Variants in LSAMP observed in about 807,000 individuals in gnomAD.
The protein encoded by LSAMP is limbic system associated membrane protein, also known as limbic system-associated membrane protein.
A neutral mutation model predicts 38.6 loss-of-function variants in LSAMP; 7 were observed. That is an observed-to-expected ratio of 0.18 (90% CI 0.10 to 0.34). The LOEUF is 0.34. Ranked by LOEUF, LSAMP falls within the 10% of genes least tolerant of loss-of-function variation. The pLI is 1.00. For synonymous variants in LSAMP, 154 were observed against 166.8 expected, an observed-to-expected ratio of 0.92 and a Z score of 0.59; for missense variants, 313 against 420.0, an observed-to-expected ratio of 0.75 and a Z score of 2.23.
chr3:116,171,557 C>T (rs143653266), intron 1 of LSAMP, among the ~76,000 whole-genome samples: 2 of 152,022 alleles, frequency 1.3e-5, no homozygotes, highest in Non-Finnish European at 2.9e-5. Context: ...ATAATCTGAA[C>T]CATGAACATA....
In LSAMP at chr3:116,221,481, T is replaced by C. The variant is rs373188939; in HGVS notation, c.156-134925A>G. On this transcript the variant is annotated intron_variant, in intron 1 of 6. Transcript: ENST00000490035. ...AGGGAAGTCATTCAGCCATTCCACT[T>C]GTATGAGCCTCCACTCATTTGTCTG... 5.3e-5 allele frequency among the ~76,000 whole-genome samples: 8 copies of C among 152,256 alleles called. No individual in the cohort carries two copies. In the East Asian group the frequency reaches 1.6e-3, roughly 30 times the overall value.
At chr3:116,126,273 T>A (rs920378797) in intron 1 of LSAMP, among the ~76,000 whole-genome samples, 2 of 152,108 alleles carry the variant, frequency 1.3e-5, no homozygotes, top group African/African-American at 2.4e-5. Context: ...ATGACCACCC[T>A]AGGTACCACA....
chr3:116,072,558 C>G (rs1285095537), intron 2 of LSAMP, among the ~76,000 whole-genome samples: 1 of 152,274 alleles, frequency 6.6e-6, no homozygotes, highest in East Asian at 1.9e-4. Flanking sequence ...TCCCTAGCAT[C>G]TGTTAAGTTT....
chr3:116,262,359 G>A (rs2046836210), intron 1 of LSAMP, among the ~76,000 whole-genome samples: 1 of 152,160 alleles, frequency 6.6e-6, no homozygotes, highest in African/African-American at 2.4e-5. Context: ...GAACATTTTA[G>A]TCTTCTTGGG....
chr3:115,838,362 T>C (rs887189052), intron 6 of LSAMP, among the ~76,000 whole-genome samples: 3 of 152,198 alleles, frequency 2.0e-5, no homozygotes, highest in Admixed American at 6.5e-5. Context: ...ATCACCTTTG[T>C]GGGTGAATTT....
intron 1 of LSAMP, among the ~76,000 whole-genome samples, chr3:116,357,015 G>C (rs913538723): frequency 2.6e-5 from 4 of 152,014 alleles, no homozygotes; most frequent in Admixed American, 2.0e-4. Flanking sequence ...GGATGGTCTC[G>C]ATCTCCTGAC....
At chr3:116,196,665 A>T (rs1388124855) in intron 1 of LSAMP, among the ~76,000 whole-genome samples, 5 of 152,250 alleles carry the variant, frequency 3.3e-5, no homozygotes, top group African/African-American at 1.2e-4. Context: ...AGTAGCAGAA[A>T]TTTTTTCCTC....
chr3:116,288,064 G>T (rs1444406346), intron 1 of LSAMP, among the ~76,000 whole-genome samples: 1 of 152,160 alleles, frequency 6.6e-6, no homozygotes, highest in Non-Finnish European at 1.5e-5. Context: ...ATCAAAGAAG[G>T]CAGGTATGTT....
intron 1 of LSAMP, among the ~76,000 whole-genome samples, chr3:116,232,317 A>G (rs1039441735): frequency 1.3e-5 from 2 of 152,210 alleles, no homozygotes; most frequent in African/African-American, 4.8e-5. Flanking sequence ...AGTAAGTGTG[A>G]TCGTATGACT....
Position 115,868,648 on chromosome 3 carries a change from A to G in LSAMP, c.515-16031T>C, listed in dbSNP as rs189264003. ...CTTAATTAACTCATTTTAAATACAC[A>G]TATTTAAAATGAGGTTGACACATAT... On this transcript the variant is annotated intron_variant, in intron 3 of 6. Transcript: ENST00000490035. Among the ~76,000 whole-genome samples the G allele has an allele frequency of 1.6e-3, 243 of 152,222 alleles. 1 individual carries two copies. Among genetic ancestry groups the G allele is most frequent in the African/African-American group, 5.6e-3 (233 of 41,564 alleles).
At chr3:116,130,059 C>G (rs1280193121) in intron 1 of LSAMP, among the ~76,000 whole-genome samples, 1 of 152,190 alleles carries the variant, frequency 6.6e-6, no homozygotes, top group African/African-American at 2.4e-5. Flanking sequence ...TCTAGGAACA[C>G]TCTCAGTAGT....
intron 1 of LSAMP, among the ~76,000 whole-genome samples, chr3:116,378,199 G>T (rs1242330584): frequency 6.6e-6 from 1 of 152,036 alleles, no homozygotes; most frequent in Non-Finnish European, 1.5e-5. Context: ...AAACAACCTA[G>T]GGTCCTGTGG....
At chr3:116,107,115 T>C (rs902102508) in intron 1 of LSAMP, among the ~76,000 whole-genome samples, 3 of 151,878 alleles carry the variant, frequency 2.0e-5, no homozygotes, top group Non-Finnish European at 2.9e-5. Flanking sequence ...GAAGGAAATA[T>C]GGGGAAATGG....
At chr3:116,302,869 A>C (rs1348260922) in intron 1 of LSAMP, among the ~76,000 whole-genome samples, 2 of 152,206 alleles carry the variant, frequency 1.3e-5, no homozygotes, top group Non-Finnish European at 2.9e-5. Context: ...TGATTCCATT[A>C]GGATATACAA....
chr3:116,149,458 A>G (rs1484089862), intron 1 of LSAMP, among the ~76,000 whole-genome samples: 1 of 151,980 alleles, frequency 6.6e-6, no homozygotes, highest in Non-Finnish European at 1.5e-5. Flanking sequence ...GAGGATGGAG[A>G]TAATCCCTTT....
chr3:116,078,824 T>C lies in LSAMP; in HGVS notation c.388+7500A>G, dbSNP rs116259577. ...CTGGCCCAAGAGATGCTCCAAGTTA[T>C]ATTGTTCCTTCCTTGCCCCAGTCCT... On this transcript the variant is annotated intron_variant, in intron 2 of 6. Transcript: ENST00000490035. Among the ~76,000 whole-genome samples, 596 of 152,270 alleles carry C rather than the reference T, an allele frequency of 3.9e-3. 3 individuals carry two copies. The highest frequency in any genetic ancestry group is 0.014 in the African/African-American group (576 of 41,552).
At position 116,358,647 on chromosome 3, in the gene LSAMP, A is replaced by G. The variant is rs376892433; in HGVS notation, c.155+86230T>C. 2.3e-4 allele frequency among the ~76,000 whole-genome samples: 35 copies of G among 152,288 alleles called. No homozygotes were observed. The South Asian group carries it at 6.6e-3, about 29-fold the overall frequency. On this transcript the variant is annotated intron_variant, in intron 1 of 6. Transcript: ENST00000490035. ...ATCGAAATGCTTTTTTCACTTTAAT[A>G]TGACTGATTTACTAGATGAAAGACA...
At chr3:116,075,839 C>A (rs1163330088) in intron 2 of LSAMP, among the ~76,000 whole-genome samples, 2 of 152,146 alleles carry the variant, frequency 1.3e-5, no homozygotes, top group Non-Finnish European at 2.9e-5. Flanking sequence ...CCGTGTCCAG[C>A]CTCTAGAGTC....
At chr3:116,144,363 A>G (rs1709443357) in intron 1 of LSAMP, among the ~76,000 whole-genome samples, 1 of 151,796 alleles carries the variant, frequency 6.6e-6, no homozygotes, top group Non-Finnish European at 1.5e-5. Context: ...TCACTACAAA[A>G]AATTTAAAAA....
Sources: allele counts gnomAD v4.1 joint callset (sites outside exome capture counted in the v4.1 genomes callset), GRCh38; gene constraint gnomAD v4.1.1; transcripts MANE v1.5; gene names NCBI Gene and HGNC (gene_info 2026-07-23, HGNC 2026-07-21).